The following LCP2 variants were observed in gnomAD, a reference collection of about 807,000 sequenced individuals.
The protein encoded by LCP2 is lymphocyte cytosolic protein 2, also known as 76 kDa tyrosine phosphoprotein.
A neutral mutation model predicts 74.5 loss-of-function variants in LCP2; 29 were observed. That is an observed-to-expected ratio of 0.39 (90% CI 0.29 to 0.53). The LOEUF is 0.53. Among genes scored for constraint, LCP2 ranks in the 20% least tolerant of loss-of-function variants. LCP2 has a pLI of 0.72. For missense variants in LCP2, 604 were observed against 634.6 expected (o/e 0.95, Z 0.52); for synonymous variants, 228 against 229.5 (o/e 0.99, Z 0.06).
chr5:170,292,294 G>C (rs1191239048), intron 2 of LCP2, among the ~76,000 whole-genome samples: 1 of 152,198 alleles, frequency 6.6e-6, no homozygotes, highest in Non-Finnish European at 1.5e-5. Context: ...CAGACCAATA[G>C]GAGCACAGGT....
chr5:170,255,608 A>T (rs761816663), intron 17 of LCP2, among the ~76,000 whole-genome samples: 1 of 152,210 alleles, frequency 6.6e-6, no homozygotes, highest in Non-Finnish European at 1.5e-5. Flanking sequence ...TTCCCTAGTC[A>T]TTTGATGCTC....
chr5:170,250,439 T>C (rs1298836369), intron 20 of LCP2, among the ~76,000 whole-genome samples: 1 of 152,262 alleles, frequency 6.6e-6, no homozygotes, highest in African/African-American at 2.4e-5. Context: ...GTGGGAACTT[T>C]CCTTTGACAC....
At chr5:170,262,790 C>T (rs750714780) in intron 12 of LCP2, 48 bp from the exon 13 acceptor site, 4 of 1,613,638 alleles carry the variant, frequency 2.5e-6, no homozygotes, top group Non-Finnish European at 3.4e-6. Context: ...TTTGCCGAGG[C>T]AGAGTTCTAC....
At chr5:170,275,977 A>G (rs1328969817) in intron 3 of LCP2, 117 bp from the exon 4 acceptor site, 3 of 799,356 alleles carry the variant, frequency 3.8e-6, no homozygotes, top group Non-Finnish European at 6.3e-6. Flanking sequence ...AACTTTGGCC[A>G]GGCTCCTCTT....
At chr5:170,251,918 G>A (rs1761453135) in intron 19 of LCP2, 1 of 244,798 alleles carries the variant, frequency 4.1e-6, no homozygotes, top group Non-Finnish European at 8.6e-6. Flanking sequence ...TCCCATTTCT[G>A]ATAAATAAAT....
In LCP2 at chr5:170,287,752, A is replaced by C. The variant is rs999736634; in HGVS notation, c.188+218T>G. On this transcript the variant is annotated intron_variant, in intron 3 of 20. Coordinates refer to ENST00000046794, the MANE Select transcript of LCP2 (RefSeq NM_005565.5). ...GCCAGAGTTGGGCTTGTTTTTGGCA[A>C]GAGCATCCAGGTCACCAGCTGGGCT... The C allele has an allele frequency of 1.1e-4, 67 of 582,750 alleles. 1 individual carries two copies. The highest frequency in any genetic ancestry group is 9.0e-4 in the African/African-American group (48 of 53,600). 36.1% of individuals were successfully genotyped at this position (582,750 alleles called of 1,614,324 possible).
In LCP2 at chr5:170,248,556, T is replaced by G. The variant is rs1561963907; in HGVS notation, c.*141A>C. Reference sequence around the variant, plus strand: ...TGACAGTCTTCATTTCAAACACTGTTTTTAAAGGAAAGGATAAAACCCTTG... The same window carrying G: ...TGACAGTCTTCATTTCAAACACTGTGTTTAAAGGAAAGGATAAAACCCTTG... On this transcript the variant is annotated 3_prime_UTR_variant, in exon 21 of 21. Transcript: ENST00000046794. 1.2e-6 allele frequency: 1 copy of G among 839,932 alleles called. No homozygotes were observed. Among genetic ancestry groups the G allele is most frequent in the East Asian group, 2.8e-5 (1 of 36,124 alleles). 52.0% of individuals were successfully genotyped at this position (839,932 alleles called of 1,614,324 possible). A position where few individuals can be genotyped will look rare whatever the true frequency, so the allele number is the denominator to read the frequency against.
intron 5 of LCP2, among the ~76,000 whole-genome samples, chr5:170,274,932 G>T (rs940090171): frequency 1.3e-5 from 2 of 150,584 alleles, no homozygotes; most frequent in South Asian, 4.2e-4. Context: ...AGCCGAGATC[G>T]TGCCACTGCA....
rs773356039 is a variant in LCP2, at chr5:170,274,352, T to C, written c.287-14A>G. On this transcript the variant is annotated splice_polypyrimidine_tract_variant and intron_variant, in intron 5 of 20. Transcript: ENST00000046794. The stretch of plus-strand genomic sequence containing the variant: ...CTTCGTGGCTTTCTGTGGAAGGAGA[T>C]GACACCACCATCAGCACTGAAGAAA... 2 of 1,612,404 alleles carry C rather than the reference T, an allele frequency of 1.2e-6. No homozygotes were observed. The highest frequency in any genetic ancestry group is 1.7e-6 in the Non-Finnish European group (2 of 1,179,258).
intron 3 of LCP2, among the ~76,000 whole-genome samples, chr5:170,283,463 C>A (rs1156981395): frequency 6.6e-6 from 1 of 152,166 alleles, no homozygotes; most frequent in African/African-American, 2.4e-5. Flanking sequence ...TCTCTTCCAT[C>A]CCCCCATCTT....
At chr5:170,285,032 T>C (rs1762161602) in intron 3 of LCP2, among the ~76,000 whole-genome samples, 1 of 152,252 alleles carries the variant, frequency 6.6e-6, no homozygotes, top group Admixed American at 6.5e-5. Flanking sequence ...ATTACAGGCG[T>C]GAGCCACTGT....
chr5:170,289,080 T>C (rs1762232951), intron 2 of LCP2, among the ~76,000 whole-genome samples: 1 of 152,222 alleles, frequency 6.6e-6, no homozygotes, highest in Non-Finnish European at 1.5e-5. Context: ...AGCAGCTGTG[T>C]CATTTAGGGC....
At chr5:170,289,742 CT>C (rs1290277985) in intron 2 of LCP2, among the ~76,000 whole-genome samples, 32 of 111,972 alleles carry the variant, frequency 2.9e-4, no homozygotes, top group East Asian at 2.1e-3. Context: ...CCTGTCTTTT[CT>C]TTTCTTTTCT....
chr5:170,295,426 C>A (rs964728456), intron 1 of LCP2, among the ~76,000 whole-genome samples: 1 of 152,216 alleles, frequency 6.6e-6, no homozygotes, highest in Non-Finnish European at 1.5e-5. Context: ...TCCTCACAAC[C>A]AACCCATTGG....
intron 17 of LCP2, among the ~76,000 whole-genome samples, chr5:170,253,931 G>C (rs1272722079): frequency 6.6e-6 from 1 of 152,132 alleles, no homozygotes; most frequent in Admixed American, 6.5e-5. Context: ...CTCAGGAAAG[G>C]TTTAGTTGTG....
Position 170,250,857 on chromosome 5 carries a change from G to A in LCP2, c.1352C>T (p.Ser451Phe). The change falls in exon 20 of 21, where the codon TCT (serine) becomes TTT (phenylalanine). Residue 451 changes from serine (S) to phenylalanine (F), a missense_variant. Ser to Phe is a radical substitution (Grantham distance 155). Coordinates refer to ENST00000046794, the MANE Select transcript of LCP2 (RefSeq NM_005565.5). ...ATATGGATTGGTTGTTGTTTTTTTA[G>A]AGCTGTCTCTGACCAGAAATGTGCC... ...QDGTFLVRDS[S>F]KKTTTNPYVL... is the part of the protein sequence containing the mutation. 6.2e-7 allele frequency: 1 copy of A among 1,613,530 alleles called. No individual in the cohort carries two copies. The highest frequency in any genetic ancestry group is 8.5e-7 in the Non-Finnish European group (1 of 1,179,586).
intron 3 of LCP2, among the ~76,000 whole-genome samples, chr5:170,282,039 G>C (rs993208255): frequency 6.6e-6 from 1 of 152,192 alleles, no homozygotes; most frequent in Non-Finnish European, 1.5e-5. Flanking sequence ...GCCCTATAAA[G>C]GGAGCCTTCA....
chr5:170,256,214 A>C lies in LCP2; in HGVS notation c.1150+312T>G, dbSNP rs1439319415. Among the ~76,000 whole-genome samples the C allele has an allele frequency of 6.6e-6, 1 of 151,804 alleles. No individual in the cohort carries two copies. Among genetic ancestry groups the C allele is most frequent in the African/African-American group, 2.4e-5 (1 of 41,302 alleles). On this transcript the variant is annotated intron_variant, in intron 17 of 20. Coordinates refer to ENST00000046794, the MANE Select transcript of LCP2 (RefSeq NM_005565.5). This position sits in a 1 kb window ranked among gnomAD's most constrained non-coding sequence, Gnocchi z 4.5. ...GTGTGTGCATGTATTGTGTATGTGT[A>C]TATATGTGTATACCTGTGTGCACAT...
chr5:170,296,800 G>A (rs558040932), intron 1 of LCP2, among the ~76,000 whole-genome samples: 1 of 152,302 alleles, frequency 6.6e-6, no homozygotes. Flanking sequence ...ACCGCCACAA[G>A]CCTCTTTTCC....
Sources: allele counts gnomAD v4.1 joint callset (sites outside exome capture counted in the v4.1 genomes callset), GRCh38; gene constraint gnomAD v4.1.1; non-coding constraint Gnocchi (gnomAD v3.1); transcripts MANE v1.5; gene names NCBI Gene and HGNC (gene_info 2026-07-23, HGNC 2026-07-21).